ETS1: variants seen among roughly 807,000 people sequenced by gnomAD.
The protein encoded by ETS1 is ETS proto-oncogene 1, transcription factor.
In ETS1, 15 loss-of-function variants were observed where a neutral mutation model predicts 58.6. The ratio of observed to expected loss-of-function variants is 0.26; its 90% CI spans 0.17 to 0.39. ETS1 has a LOEUF of 0.39. Ranked by LOEUF, ETS1 falls within the 10% of genes least tolerant of loss-of-function variation. ETS1 has a pLI of 1.00. For missense variants in ETS1, 417 were observed against 610.5 expected, an observed-to-expected ratio of 0.68 and a Z score of 3.34; for synonymous variants, 214 against 218.2, an observed-to-expected ratio of 0.98 and a Z score of 0.17.
At chr11:128,543,563 T>A (rs1864087512) in intron 3 of ETS1, among the ~76,000 whole-genome samples, 1 of 152,214 alleles carries the variant, frequency 6.6e-6, no homozygotes, top group Non-Finnish European at 1.5e-5. Flanking sequence ...CATATCAGCA[T>A]GCCCAGCTCA....
At chr11:128,484,060 T>C (rs1345177164) in intron 7 of ETS1, among the ~76,000 whole-genome samples, 2 of 152,244 alleles carry the variant, frequency 1.3e-5, no homozygotes, top group East Asian at 1.9e-4. Context: ...TACCTCTGAG[T>C]GTTTATGTCC....
intron 2 of ETS1, among the ~76,000 whole-genome samples, chr11:128,559,452 C>G (rs1388632576): frequency 1.3e-5 from 2 of 152,186 alleles, no homozygotes; most frequent in Non-Finnish European, 2.9e-5. Flanking sequence ...TTCCTGGAGT[C>G]TCTTCTGCCC....
Position 128,508,942 on chromosome 11 carries a change from T to A in ETS1, c.215-18366A>T, listed in dbSNP as rs959490669. Among the ~76,000 whole-genome samples the A allele has an allele frequency of 5.9e-5, 9 of 152,210 alleles. No homozygotes were observed. In the East Asian group the frequency reaches 1.7e-3, roughly 29 times the overall value. ...AGTCGGGGGCAACTGAAGACTTGCA[T>A]CATCTTTGCTCATCACTCTCTGCCT... On this transcript the variant is annotated intron_variant, in intron 3 of 9. Transcript: ENST00000392668.
intron 7 of ETS1, among the ~76,000 whole-genome samples, chr11:128,481,872 T>G (rs1565373185): frequency 6.6e-6 from 1 of 152,360 alleles, no homozygotes; most frequent in Non-Finnish European, 1.5e-5. Context: ...GAGTGTGTAC[T>G]TTTTGTAAAA....
Position 128,506,573 on chromosome 11 carries a change from T to C in ETS1, c.215-15997A>G, listed in dbSNP as rs534184472. Among the ~76,000 whole-genome samples, 4 of 152,220 alleles carry C rather than the reference T, an allele frequency of 2.6e-5. No individual in the cohort carries two copies. In the East Asian group the frequency reaches 7.7e-4, roughly 29 times the overall value. ...AGGAAGGAGTGCACGTAAGATGTCC[T>C]GGGTGTAGGGCGTGAGGGACAGAAG... On this transcript the variant is annotated intron_variant, in intron 3 of 9. Transcript: ENST00000392668.
intron 1 of ETS1, among the ~76,000 whole-genome samples, chr11:128,584,264 C>A (rs1228189751): frequency 6.6e-6 from 1 of 152,178 alleles, no homozygotes; most frequent in African/African-American, 2.4e-5. Context: ...ATCCAGTGTT[C>A]TCCTAGATAA....
At chr11:128,483,387 C>A (rs1354794900) in intron 7 of ETS1, among the ~76,000 whole-genome samples, 2 of 152,204 alleles carry the variant, frequency 1.3e-5, no homozygotes, top group African/African-American at 4.8e-5. Flanking sequence ...AGCCCAAACC[C>A]ACAGGCTTGG....
At chr11:128,536,596 C>G (rs1056841927) in intron 3 of ETS1, 1 of 152,116 alleles carries the variant, frequency 6.6e-6, no homozygotes, top group East Asian at 1.9e-4. Flanking sequence ...GTTTTCTGAT[C>G]CAATTGAGAC....
chr11:128,478,417 G>C (rs1170113804), intron 8 of ETS1, among the ~76,000 whole-genome samples: 1 of 130,480 alleles, frequency 7.7e-6, no homozygotes, highest in Non-Finnish European at 1.6e-5. Context: ...GGGAGGGGAA[G>C]GAAAGAAGGA....
intron 3 of ETS1, among the ~76,000 whole-genome samples, chr11:128,514,888 C>T (rs1441208296): frequency 6.6e-6 from 1 of 152,204 alleles, no homozygotes; most frequent in Non-Finnish European, 1.5e-5. Flanking sequence ...TGTAATATCA[C>T]TTAAATTCGT....
chr11:128,497,833 C>A (rs1310521493), intron 3 of ETS1, among the ~76,000 whole-genome samples: 1 of 152,212 alleles, frequency 6.6e-6, no homozygotes, highest in Non-Finnish European at 1.5e-5. Flanking sequence ...CAAATCAATT[C>A]CAGGTGTTCA....
chr11:128,507,230 C>T (rs1863264310), intron 3 of ETS1, among the ~76,000 whole-genome samples: 1 of 152,168 alleles, frequency 6.6e-6, no homozygotes, highest in African/African-American at 2.4e-5. Flanking sequence ...AGCCGGGCTC[C>T]ACCCTCCATG....
intron 2 of ETS1, among the ~76,000 whole-genome samples, chr11:128,569,416 G>C (rs774319493): frequency 4.3e-5 from 6 of 140,358 alleles, no homozygotes; most frequent in Non-Finnish European, 6.0e-5. Flanking sequence ...TAAGCACCAC[G>C]GGTTGAGCTC....
chr11:128,475,571 T>C (rs1862299656), intron 8 of ETS1, among the ~76,000 whole-genome samples: 1 of 150,180 alleles, frequency 6.7e-6, no homozygotes, highest in Non-Finnish European at 1.5e-5. Context: ...TTTTTTTTTT[T>C]TTTTGAGACG....
intron 3 of ETS1, among the ~76,000 whole-genome samples, chr11:128,551,547 A>G (rs1864229849): frequency 6.6e-6 from 1 of 152,216 alleles, no homozygotes; most frequent in African/African-American, 2.4e-5. Flanking sequence ...GCCAAACTTT[A>G]TGTCATAAAT....
intron 3 of ETS1, among the ~76,000 whole-genome samples, chr11:128,512,951 G>T (rs1466104575): frequency 6.6e-6 from 1 of 152,234 alleles, no homozygotes; most frequent in Non-Finnish European, 1.5e-5. Flanking sequence ...CCTCCTCCAG[G>T]TGAGAACCTG....
chr11:128,546,748 G>A (rs1380333239), intron 3 of ETS1, among the ~76,000 whole-genome samples: 2 of 152,144 alleles, frequency 1.3e-5, no homozygotes, highest in Non-Finnish European at 2.9e-5. Flanking sequence ...CAGGGGGGAA[G>A]GTGTTAGCTC....
At chr11:128,509,140 T>C (rs1036732179) in intron 3 of ETS1, among the ~76,000 whole-genome samples, 13 of 152,300 alleles carry the variant, frequency 8.5e-5, no homozygotes, top group Middle Eastern at 3.4e-3. Flanking sequence ...CATCAGATCA[T>C]CCATTACAGA....
At chr11:128,573,271 TGGCA>T (rs1864675845) in intron 1 of ETS1, 127 bp from the exon 2 acceptor site, 3 of 653,658 alleles carry the variant, frequency 4.6e-6, no homozygotes, top group Non-Finnish European at 8.1e-6. Context: ...CTTCTTTGCA[TGGCA>T]GGGAAAGCAA....
Sources: gnomAD v4.1 joint callset for allele counts (sites outside exome capture counted in the v4.1 genomes callset) on GRCh38, gnomAD v4.1.1 for gene constraint, MANE v1.5 for transcripts, NCBI Gene and HGNC (gene_info 2026-07-23, HGNC 2026-07-21) for gene names.